NBPF6: variants seen among roughly 807,000 people sequenced by gnomAD.
The protein encoded by NBPF6 is NBPF member 6, also known as NBPF family member NBPF6.
A neutral mutation model predicts 20.8 loss-of-function variants in NBPF6; 2 were observed. The ratio of observed to expected loss-of-function variants is 0.10; its 90% CI spans 0.04 to 0.30. The LOEUF (loss-of-function observed/expected upper bound fraction) is 0.30, where lower values mean the gene tolerates loss of function less well. Ranked by LOEUF, NBPF6 falls within the 10% of genes least tolerant of loss-of-function variation. NBPF6 has a pLI of 1.00. For missense variants in NBPF6, 85 were observed against 260.3 expected, an observed-to-expected ratio of 0.33 and a Z score of 4.63; for synonymous variants, 24 against 100.0, an observed-to-expected ratio of 0.24 and a Z score of 4.53.
chr1:108,470,634 GA>G lies in NBPF6; in HGVS notation c.1914del (p.Ter639GlufsTer16), dbSNP rs1653411125. 6.4e-7 allele frequency: 1 copy of G among 1,557,726 alleles called. No homozygotes were observed. On this transcript the variant is annotated frameshift_variant, in exon 15 of 15. Transcript: ENST00000495380. LOFTEE classifies it high-confidence loss of function. ...NTAERMQRMIG is the reference protein window; with the variant it reads ...NTAERMQRMIX Reference sequence around the variant, plus strand: ...GCTGAAAGGATGCAAAGGATGATAGGATGAAAGAATGTCACAAAAAGCAGCT... The same window carrying G: ...GCTGAAAGGATGCAAAGGATGATAGGTGAAAGAATGTCACAAAAAGCAGCT...
intron 14 of NBPF6, among the ~76,000 whole-genome samples, chr1:108,468,286 C>T (rs1371611937): frequency 6.8e-6 from 1 of 148,074 alleles, no homozygotes; most frequent in African/African-American, 2.5e-5. Flanking sequence ...CAGCTTAGTG[C>T]CAACGTGGAT....
chr1:108,426,426 A>AAGAT, the NBPF6 span, among the ~76,000 whole-genome samples: 1 of 86,262 alleles, frequency 1.2e-5, no homozygotes, highest in Non-Finnish European at 2.7e-5. Flanking sequence ...TGTCTCTTTA[A>AAGAT]AAATAAATAA....
chr1:108,448,094 G>A (rs1377107880), upstream of NBPF6, among the ~76,000 whole-genome samples: 4 of 141,230 alleles, frequency 2.8e-5, no homozygotes, highest in East Asian at 2.2e-4. Context: ...TGAGTTCAGC[G>A]TGTGATGAGT....
In NBPF6 at chr1:108,453,014, A is replaced by G. The variant is rs879199622; in HGVS notation, c.279-167A>G. ...TGTGTGTGTGTGTGTGTGTGTATAT[A>G]TATATATATTCTTCTTTCTCTTGGC... On this transcript the variant is annotated intron_variant, in intron 3 of 14. Transcript: ENST00000495380. Among the ~76,000 whole-genome samples, 282 of 57,396 alleles carry G rather than the reference A, an allele frequency of 4.9e-3. 12 individuals carry two copies. Among genetic ancestry groups the G allele is most frequent in the African/African-American group, 0.014 (230 of 16,880 alleles). 37.7% of individuals were successfully genotyped at this position (57,396 alleles called of 152,430 possible).
upstream of NBPF6, among the ~76,000 whole-genome samples, chr1:108,448,268 T>A (rs1652687936): frequency 1.4e-5 from 2 of 145,652 alleles, no homozygotes; most frequent in African/African-American, 5.0e-5. Context: ...TATTCTCTGG[T>A]GTCTCAGAGA....
chr1:108,449,415 ACT>A (rs1491507765), upstream of NBPF6, among the ~76,000 whole-genome samples: 32 of 9,566 alleles, frequency 3.3e-3, 2 homozygotes, highest in African/African-American at 4.5e-3. Context: ...TGTTAGAACA[ACT>A]ATATATATAT....
intron 2 of NBPF6, 109 bp downstream of exon 2, chr1:108,450,888 GA>G (rs1479381752): frequency 1.9e-6 from 1 of 516,876 alleles, no homozygotes; most frequent in African/African-American, 2.4e-5. Context: ...ATACTTCTAG[GA>G]AAATAGAAGT....
Position 108,467,573 on chromosome 1 carries a change from G to T in NBPF6, c.1783G>T (p.Val595Phe), listed in dbSNP as rs542379800. ...CACTGGCCGGATTCGTGCCTCCCTT[G>T]TCCTGATACTGAAGACCATCAGAAG... ...QVTGRIRASL[V>F]LILKTIRRRL... Residue 595 changes from valine to phenylalanine, a missense_variant, in exon 14 of 15, where the codon GTC (valine) becomes TTC (phenylalanine). Val to Phe is a conservative substitution (Grantham distance 50, BLOSUM62 -1). This residue lies in a region of NBPF6 where 11 missense variants were observed against 40.9 expected (regional missense o/e 0.27). Transcript: ENST00000495380. The T allele has an allele frequency of 5.7e-4, 890 of 1,549,960 alleles. 2 individuals carry two copies. The African/African-American group carries it at 0.011, about 19-fold the overall frequency.
Position 108,467,678 on chromosome 1 carries a change from A to G in NBPF6, c.1875+13A>G, listed in dbSNP as rs1020314861. On this transcript the variant is annotated intron_variant, in intron 14 of 14. Transcript: ENST00000495380. ...TGAGAGTGCAGAGGTAATCACATCT[A>G]TGGCTGATAGCTGCACTCACTTCTT... 3 of 1,549,070 alleles carry G rather than the reference A, an allele frequency of 1.9e-6. No homozygotes were observed. Among genetic ancestry groups the G allele is most frequent in the East Asian group, 2.4e-5 (1 of 40,934 alleles).
upstream of NBPF6, among the ~76,000 whole-genome samples, chr1:108,448,367 A>T (rs1652692630): frequency 6.7e-6 from 1 of 149,208 alleles, no homozygotes. Flanking sequence ...TGAATTAAAT[A>T]CAGCCAGGGG....
rs1259839899 is a variant in NBPF6 at position 108,465,220 on chromosome 1, T to G, written c.1456T>G (p.Trp486Gly). ...PTEAACPQGT[W>G]SGDLSHHRSE... ...CGAGGCGGCCTGTCCCCAAGGGACT[T>G]GGAGTGGAGACTTGAGCCACCACCG... is the stretch of plus-strand genomic sequence containing the variant. Residue 486 changes from tryptophan to glycine, a missense_variant, in exon 13 of 15, where the codon TGG (tryptophan) becomes GGG (glycine). Physicochemically the swap from Trp to Gly is radical, Grantham distance 184. Transcript: ENST00000495380. The G allele has an allele frequency of 1.2e-5, 14 of 1,202,480 alleles. 4 individuals carry two copies. In the East Asian group the frequency reaches 4.3e-4, roughly 37 times the overall value. 74.5% of individuals were successfully genotyped at this position (1,202,480 alleles called of 1,614,324 possible). A position where few individuals can be genotyped will look rare whatever the true frequency, so the allele number is the denominator to read the frequency against.
At position 108,465,201 on chromosome 1, in the gene NBPF6, G is replaced by A. The variant is rs202116448; in HGVS notation, c.1437G>A (p.Ala479=). The change falls in exon 13 of 15, where the codon GCG becomes GCA. Residue 479 remains alanine (A), a synonymous_variant. Coordinates refer to ENST00000495380, the MANE Select transcript of NBPF6 (RefSeq NM_001143988.2). The part of the protein sequence containing the change: ...SALDVASPTE[A]ACPQGTWSGD... ...TTCTCCTTTCAGCCCCCACCGAGGC[G>A]GCCTGTCCCCAAGGGACTTGGAGTG... The A allele has an allele frequency of 2.1e-5, 24 of 1,152,408 alleles. 3 individuals carry two copies. The highest frequency in any genetic ancestry group is 2.3e-4 in the Middle Eastern group (1 of 4,298). 71.4% of individuals were successfully genotyped at this position (1,152,408 alleles called of 1,614,324 possible).
In NBPF6 at chr1:108,465,503, G is replaced by GT; in HGVS notation, c.1660+79_1660+80insT. ...CGGTGCTGTGGGTGGAGGAGAGAAT[G>GT]GGGCCTCCCATGCTTCCTCAGGGTC... On this transcript the variant is annotated intron_variant, in intron 13 of 14. Transcript: ENST00000495380. 6.7e-6 allele frequency: 3 copies of GT among 444,860 alleles called. 1 individual carries two copies. The highest frequency in any genetic ancestry group is 1.2e-5 in the Non-Finnish European group (3 of 249,858). 27.6% of individuals were successfully genotyped at this position (444,860 alleles called of 1,614,324 possible).
upstream of NBPF6, among the ~76,000 whole-genome samples, chr1:108,447,776 G>C (rs1032022850): frequency 7.4e-4 from 104 of 141,098 alleles, 8 homozygotes; most frequent in Admixed American, 2.1e-3. Context: ...ACGAGGGTAA[G>C]TGCAGGATCA....
chr1:108,471,118 A>G lies in NBPF6; in HGVS notation c.*480A>G, dbSNP rs1653448009. On this transcript the variant is annotated 3_prime_UTR_variant, in exon 15 of 15. Coordinates refer to ENST00000495380, the MANE Select transcript of NBPF6 (RefSeq NM_001143988.2). Reference sequence around the variant, plus strand: ...AACAGTCCATGTCACCACCAAGAAAACAACAAAAAGGAGAAGAGACATTTT... The same window carrying G: ...AACAGTCCATGTCACCACCAAGAAAGCAACAAAAAGGAGAAGAGACATTTT... The G allele has an allele frequency of 6.6e-6, 1 of 152,388 alleles. No homozygotes were observed. Among genetic ancestry groups the G allele is most frequent in the South Asian group, 2.1e-4 (1 of 4,832 alleles). The allele number at this position is 152,388 out of a possible 1,614,324, so 9.4% of individuals were successfully genotyped here.
At chr1:108,449,306 C>A (rs1388394784), upstream of NBPF6, among the ~76,000 whole-genome samples, 1 of 12,976 alleles carries the variant, frequency 7.7e-5, no homozygotes, top group Non-Finnish European at 4.5e-4. Flanking sequence ...CTCAAACTCA[C>A]CTTCTACTGC....
the NBPF6 span, among the ~76,000 whole-genome samples, chr1:108,428,004 G>T: frequency 2.3e-5 from 2 of 86,024 alleles, 1 homozygote; most frequent in Middle Eastern, 0.013. Flanking sequence ...TTGGGAGGCT[G>T]GGCAGGCAGA....
the NBPF6 span, among the ~76,000 whole-genome samples, chr1:108,436,616 AAAG>A: frequency 1.5e-5 from 1 of 68,214 alleles, no homozygotes; most frequent in African/African-American, 4.2e-5. Flanking sequence ...AAAAAAAAGA[AAAG>A]AAAAGAAAAA....
chr1:108,451,009 C>T (rs1362098289), intron 2 of NBPF6, among the ~76,000 whole-genome samples: 3 of 32,238 alleles, frequency 9.3e-5, no homozygotes, highest in African/African-American at 2.0e-4. Flanking sequence ...TAAAATCCTA[C>T]TTATTGTCTT....
Sources: allele counts gnomAD v4.1 joint callset (sites outside exome capture counted in the v4.1 genomes callset), GRCh38; gene constraint gnomAD v4.1.1; regional missense constraint gnomAD v4.1.1; transcripts MANE v1.5; gene names NCBI Gene and HGNC (gene_info 2026-07-23, HGNC 2026-07-21).